Variants in PTPRT observed in about 807,000 individuals in gnomAD.
PTPRT encodes protein tyrosine phosphatase receptor type T.
A neutral mutation model predicts 176.8 loss-of-function variants in PTPRT; 56 were observed. The ratio of observed to expected loss-of-function variants is 0.32; its 90% CI spans 0.26 to 0.40. The LOEUF (loss-of-function observed/expected upper bound fraction) is 0.40, where lower values mean the gene tolerates loss of function less well. Among genes scored for constraint, PTPRT ranks in the 10% least tolerant of loss-of-function variants. The pLI, the probability that PTPRT is intolerant of heterozygous loss-of-function variation, is 1.00. For synonymous variants in PTPRT, 783 were observed against 739.0 expected, an observed-to-expected ratio of 1.06 and a Z score of -0.96; for missense variants, 1,540 against 1,908.2, an observed-to-expected ratio of 0.81 and a Z score of 3.60.
intron 17 of PTPRT, among the ~76,000 whole-genome samples, chr20:42,142,707 G>C (rs1446248585): frequency 6.6e-6 from 1 of 152,122 alleles, no homozygotes; most frequent in Admixed American, 6.5e-5. Flanking sequence ...CATAGCAAGA[G>C]ATTAAGAACA....
At chr20:43,017,688 G>T (rs916714439) in intron 1 of PTPRT, among the ~76,000 whole-genome samples, 1 of 152,206 alleles carries the variant, frequency 6.6e-6, no homozygotes, top group Non-Finnish European at 1.5e-5. Context: ...GGAGGGAAAA[G>T]CTCCAAATTC....
intron 12 of PTPRT, among the ~76,000 whole-genome samples, chr20:42,291,067 A>T (rs954621387): frequency 3.3e-5 from 5 of 152,136 alleles, no homozygotes; most frequent in Non-Finnish European, 4.4e-5. Flanking sequence ...TTTGTCTAAG[A>T]CTGAGCTTCC....
intron 7 of PTPRT, among the ~76,000 whole-genome samples, chr20:42,594,917 A>T (rs1315164837): frequency 1.3e-5 from 2 of 152,160 alleles, no homozygotes; most frequent in African/African-American, 4.8e-5. Flanking sequence ...ACCCTGACAA[A>T]CAGAAATGAA....
At chr20:42,864,188 G>A (rs1411526155) in intron 2 of PTPRT, among the ~76,000 whole-genome samples, 4 of 152,222 alleles carry the variant, frequency 2.6e-5, no homozygotes, top group African/African-American at 9.6e-5. Context: ...AGGGCCTTCT[G>A]CTGAGTCTCA....
chr20:42,054,065 A>G, the PTPRT span, among the ~76,000 whole-genome samples: 2 of 152,160 alleles, frequency 1.3e-5, no homozygotes, highest in Non-Finnish European at 2.9e-5. Flanking sequence ...CCTGAGAATA[A>G]TTATATTGGC....
chr20:42,780,164 G>T, intron 4 of PTPRT, 54 bp downstream of exon 4: 1 of 1,396,402 alleles, frequency 7.2e-7, no homozygotes, highest in Non-Finnish European at 1.0e-6. Context: ...CAGGCTCTAT[G>T]CTACCCAGTC....
chr20:43,104,229 A>G (rs1275632043), intron 1 of PTPRT, among the ~76,000 whole-genome samples: 1 of 152,176 alleles, frequency 6.6e-6, no homozygotes, highest in Admixed American at 6.5e-5. Flanking sequence ...CTCCCAGCAC[A>G]CAATAGGGCC....
rs747194630 is a variant in PTPRT, at chr20:42,472,434, A to G, written c.1282T>C (p.Tyr428His). The G allele has an allele frequency of 4.3e-6, 7 of 1,614,090 alleles. No homozygotes were observed. The highest frequency in any genetic ancestry group is 5.9e-6 in the Non-Finnish European group (7 of 1,180,046). Residue 428 changes from tyrosine to histidine, a missense_variant, in exon 8 of 31, where the codon TAT (tyrosine) becomes CAT (histidine). Transcript: ENST00000373187. ...TCGTACTGCTGCTGGTTGAACACAT[A>G]CTGGTACTGCACGGTGAGGTTGTAG... is the stretch of plus-strand genomic sequence containing the variant. ...HSYNLTVQYQ[Y>H]VFNQQQYEAE...
At chr20:42,598,023 C>T (rs1206454498) in intron 7 of PTPRT, among the ~76,000 whole-genome samples, 2 of 152,106 alleles carry the variant, frequency 1.3e-5, no homozygotes, top group African/African-American at 4.8e-5. Flanking sequence ...GCCTTTTCAT[C>T]ATTCTGCTAT....
intron 2 of PTPRT, among the ~76,000 whole-genome samples, chr20:42,877,061 C>T (rs529555570): frequency 6.6e-6 from 1 of 152,052 alleles, no homozygotes; most frequent in African/African-American, 2.4e-5. Context: ...GAGATATCAA[C>T]TATGACTATC....
At chr20:42,489,020 G>C (rs917533869) in intron 7 of PTPRT, among the ~76,000 whole-genome samples, 3 of 101,358 alleles carry the variant, frequency 3.0e-5, no homozygotes, top group Admixed American at 2.5e-4. Context: ...GTGTGTGTGT[G>C]TGTGTGTGTG....
chr20:42,954,917 G>A (rs911468567), intron 1 of PTPRT, among the ~76,000 whole-genome samples: 1 of 151,742 alleles, frequency 6.6e-6, no homozygotes, highest in Non-Finnish European at 1.5e-5. Flanking sequence ...AAGAAGAAAA[G>A]GGTAGGGAGG....
intron 12 of PTPRT, among the ~76,000 whole-genome samples, chr20:42,310,176 A>G (rs937920834): frequency 1.1e-4 from 17 of 152,198 alleles, no homozygotes; most frequent in Admixed American, 1.0e-3. Flanking sequence ...GGCTTAGTTA[A>G]AATCTAGCAG....
At chr20:42,054,389 T>G in the PTPRT span, among the ~76,000 whole-genome samples, 2 of 152,346 alleles carry the variant, frequency 1.3e-5, no homozygotes, top group African/African-American at 4.8e-5. Context: ...TTTTGCACTT[T>G]AGAGAGACAG....
At position 42,943,703 on chromosome 20, in the gene PTPRT, CAT is replaced by C. The variant is rs555659759; in HGVS notation, c.89-57773_89-57772del. On this transcript the variant is annotated intron_variant, in intron 1 of 30. Transcript: ENST00000373187. Reference sequence around the variant, plus strand: ...ACACCATCCAGTTAATCTCGTTCAACATATAGTTCACCTCAACAAACCTTCCT... The same window carrying C: ...ACACCATCCAGTTAATCTCGTTCAACATAGTTCACCTCAACAAACCTTCCT... Among the ~76,000 whole-genome samples, 5 of 152,278 alleles carry C rather than the reference CAT, an allele frequency of 3.3e-5. No homozygotes were observed. The East Asian group carries it at 9.7e-4, about 29-fold the overall frequency.
chr20:42,316,735 G>T (rs1001239071), intron 11 of PTPRT, among the ~76,000 whole-genome samples: 1 of 152,036 alleles, frequency 6.6e-6, no homozygotes, highest in African/African-American at 2.4e-5. Flanking sequence ...ACATCTTTTG[G>T]ATCTCACCTC....
chr20:42,534,555 G>T (rs577406507), intron 7 of PTPRT, among the ~76,000 whole-genome samples: 2 of 152,284 alleles, frequency 1.3e-5, no homozygotes, highest in South Asian at 4.1e-4. Context: ...AGAATGGTGT[G>T]AACCCGGGAG....
intron 13 of PTPRT, among the ~76,000 whole-genome samples, chr20:42,278,068 G>T (rs2057073467): frequency 1.2e-5 from 1 of 86,072 alleles, no homozygotes; most frequent in Non-Finnish European, 2.2e-5. Context: ...AAACATGTAA[G>T]TAGACTATAT....
intron 7 of PTPRT, among the ~76,000 whole-genome samples, chr20:42,665,218 T>C (rs1219134102): frequency 6.6e-6 from 1 of 151,828 alleles, no homozygotes; most frequent in Non-Finnish European, 1.5e-5. Context: ...AGGGCTAATA[T>C]CCAGAATCTA....
Sources: gnomAD v4.1 joint callset for allele counts (sites outside exome capture counted in the v4.1 genomes callset) on GRCh38, gnomAD v4.1.1 for gene constraint, MANE v1.5 for transcripts, NCBI Gene and HGNC (gene_info 2026-07-23, HGNC 2026-07-21) for gene names.